Variants in SNRPN observed in about 807,000 individuals in gnomAD.
SNRPN encodes small nuclear ribonucleoprotein-associated protein N.
A neutral mutation model predicts 25.2 loss-of-function variants in SNRPN; 7 were observed. That is an observed-to-expected ratio of 0.28 (90% CI 0.16 to 0.52). The LOEUF is 0.52. SNRPN is among the 20% of genes least tolerant of loss of function. The probability of loss-of-function intolerance (pLI) is 0.96; values close to 1 mark genes in which losing one functional copy is unlikely to be tolerated. For synonymous variants in SNRPN, 124 were observed against 110.6 expected (o/e 1.12, Z -0.76); for missense variants, 196 against 322.5 (o/e 0.61, Z 3.00).
intron 2 of SNRPN, among the ~76,000 whole-genome samples, chr15:24,894,222 T>C (rs1460963577): frequency 6.6e-6 from 1 of 151,912 alleles, no homozygotes; most frequent in South Asian, 2.1e-4. Context: ...AAATTCTTTT[T>C]TTTTTTTTTC....
intron 1 of SNRPN, among the ~76,000 whole-genome samples, chr15:24,858,654 A>G (rs907776094): frequency 6.6e-6 from 1 of 151,862 alleles, no homozygotes. Flanking sequence ...TACAAAAATT[A>G]GCCGGGCATG....
In SNRPN at chr15:24,955,015, T is replaced by A. The variant is rs774303237; in HGVS notation, c.-438T>A. The A allele has an allele frequency of 6.8e-6, 11 of 1,612,368 alleles. No homozygotes were observed. Among genetic ancestry groups the A allele is most frequent in the Non-Finnish European group, 9.3e-6 (11 of 1,179,890 alleles). On this transcript the variant is annotated 5_prime_UTR_variant, in exon 1 of 10. Transcript: ENST00000390687. The stretch of plus-strand genomic sequence containing the variant: ...GAGTGGAGCGGCCGCCGGAGATGCC[T>A]GACGCATCTGTCTGAGGAGCGGTCA...
chr15:24,940,830 C>T (rs1046372623), intron 3 of SNRPN, among the ~76,000 whole-genome samples: 1 of 152,060 alleles, frequency 6.6e-6, no homozygotes, highest in Non-Finnish European at 1.5e-5. Context: ...AATTGGCTTA[C>T]ATGATGGTAC....
At chr15:24,884,791 A>G (rs2057045270) in intron 1 of SNRPN, among the ~76,000 whole-genome samples, 1 of 152,166 alleles carries the variant, frequency 6.6e-6, no homozygotes, top group African/African-American at 2.4e-5. Context: ...AAATGTTTGT[A>G]GGGGAGACTC....
chr15:24,910,096 T>C (rs1036697349), intron 2 of SNRPN, among the ~76,000 whole-genome samples: 1 of 150,688 alleles, frequency 6.6e-6, no homozygotes, highest in African/African-American at 2.4e-5. Flanking sequence ...TAATAGAGGG[T>C]CAGTGGAAAC....
intron 3 of SNRPN, 122 bp downstream of exon 3, chr15:24,968,204 T>A: frequency 1.6e-6 from 1 of 644,486 alleles, no homozygotes; most frequent in Non-Finnish European, 2.7e-6. Context: ...AATAAACACA[T>A]TGCAGAAAGT....
At chr15:24,891,576 T>C (rs2057682008) in intron 2 of SNRPN, among the ~76,000 whole-genome samples, 1 of 152,090 alleles carries the variant, frequency 6.6e-6, no homozygotes, top group South Asian at 2.1e-4. Context: ...TAGCTGGGAT[T>C]GTAGGCTCCC....
rs568774536 is a variant in SNRPN, at chr15:24,873,389, C to T, written c.-578-13127C>T. 2.6e-5 allele frequency among the ~76,000 whole-genome samples: 3 copies of T among 115,718 alleles called. 1 individual carries two copies. Among genetic ancestry groups the T allele is most frequent in the South Asian group, 3.2e-4 (1 of 3,096 alleles). 75.9% of individuals were successfully genotyped at this position (115,718 alleles called of 152,430 possible). A position where few individuals can be genotyped will look rare whatever the true frequency, so the allele number is the denominator to read the frequency against. On this transcript the variant is annotated intron_variant, in intron 1 of 11. Coordinates refer to the SNRPN transcript ENST00000400097. ...TCACCCAGGCTGGAGTGCAATGGCA[C>T]GATCCCGACTCACTGCAACCTCTGC...
chr15:24,847,961 TTAGAG>T (rs2052351874), intron 2 of SNRPN, among the ~76,000 whole-genome samples: 1 of 151,994 alleles, frequency 6.6e-6, no homozygotes, highest in Non-Finnish European at 1.5e-5. Flanking sequence ...GTTCAGAAGA[TTAGAG>T]TAATTTCTTA....
At chr15:24,892,659 C>T (rs1206625565) in intron 2 of SNRPN, among the ~76,000 whole-genome samples, 3 of 150,082 alleles carry the variant, frequency 2.0e-5, no homozygotes, top group Non-Finnish European at 4.4e-5. Flanking sequence ...ATCGCTTGAA[C>T]CTGGGAGGTG....
At position 24,974,414 on chromosome 15, in the gene SNRPN, A is replaced by C. The variant is rs767553112; in HGVS notation, c.-40A>C. 10 of 1,609,550 alleles carry C rather than the reference A, an allele frequency of 6.2e-6. No individual in the cohort carries two copies. The highest frequency in any genetic ancestry group is 7.7e-6 in the Non-Finnish European group (9 of 1,175,904). ...TTCCCCTAGGTCTTCAGAAGCATCA[A>C]GTTTTAACTGTGGACATTGGATTTG... On this transcript the variant is annotated 5_prime_UTR_variant, in exon 4 of 10. Coordinates refer to ENST00000390687, the MANE Select transcript of SNRPN (RefSeq NM_003097.6).
At chr15:24,825,618 G>A (rs1442978276) in intron 1 of SNRPN, among the ~76,000 whole-genome samples, 5 of 152,052 alleles carry the variant, frequency 3.3e-5, no homozygotes, top group Admixed American at 3.3e-4. Context: ...CAGTCAAAAT[G>A]TGTTTAACAT....
intron 1 of SNRPN, among the ~76,000 whole-genome samples, chr15:24,866,723 C>A (rs895980954): frequency 6.6e-6 from 1 of 152,122 alleles, no homozygotes; most frequent in Non-Finnish European, 1.5e-5. Flanking sequence ...TGGTAACTAC[C>A]GTTCTACATC....
At chr15:24,893,709 T>A (rs200317225) in intron 2 of SNRPN, among the ~76,000 whole-genome samples, 2 of 147,544 alleles carry the variant, frequency 1.4e-5, no homozygotes, top group Admixed American at 6.8e-5. Flanking sequence ...TAAAAAAAAA[T>A]GTACCCGTTA....
Position 24,967,965 on chromosome 15 carries a change from G to C in SNRPN, c.-261G>C. The C allele has an allele frequency of 6.2e-7, 1 of 1,614,168 alleles. No homozygotes were observed. The highest frequency in any genetic ancestry group is 1.3e-5 in the African/African-American group (1 of 75,040). ...TGTACCCGAGGCGTTCTCAGCAGCA[G>C]CAAGTACCTGTGGTGGATTTCCAGG... is the stretch of plus-strand genomic sequence containing the variant. On this transcript the variant is annotated 5_prime_UTR_variant, in exon 3 of 10. Coordinates refer to ENST00000390687, the MANE Select transcript of SNRPN (RefSeq NM_003097.6).
At chr15:24,824,860 C>T (rs2140880119) in intron 1 of SNRPN, among the ~76,000 whole-genome samples, 1 of 152,128 alleles carries the variant, frequency 6.6e-6, no homozygotes, top group Admixed American at 6.5e-5. Context: ...AAAAAGCAGG[C>T]TAGGAATTGT....
At chr15:24,888,397 C>T (rs35769307) in intron 2 of SNRPN, among the ~76,000 whole-genome samples, 17,645 of 152,098 alleles carry the variant, frequency 0.12, 1,247 homozygotes, top group Admixed American at 0.23. Context: ...TGACCCACCA[C>T]GCCTGGCCAG....
At chr15:24,857,414 G>T (rs948319866) in intron 1 of SNRPN, among the ~76,000 whole-genome samples, 11 of 151,662 alleles carry the variant, frequency 7.3e-5, no homozygotes, top group Non-Finnish European at 1.2e-4. Context: ...AATATTTTGG[G>T]TTTTTTTTAT....
chr15:24,877,697 A>ACACACACAC (rs1566858064), intron 1 of SNRPN, among the ~76,000 whole-genome samples: 257 of 113,926 alleles, frequency 2.3e-3, no homozygotes, highest in African/African-American at 6.9e-3. Flanking sequence ...CACACACACA[A>ACACACACAC]ACACACTAGC....
Sources: allele counts gnomAD v4.1 joint callset (sites outside exome capture counted in the v4.1 genomes callset), GRCh38; gene constraint gnomAD v4.1.1; transcripts MANE v1.5; gene names NCBI Gene and HGNC (gene_info 2026-07-23, HGNC 2026-07-21).